RHBDF1: variants seen among roughly 807,000 people sequenced by gnomAD.
The protein encoded by RHBDF1 is inactive rhomboid protein 1.
Under a neutral mutation model 98.6 loss-of-function variants are expected in RHBDF1, and 80 were observed. The ratio of observed to expected loss-of-function variants is 0.81; its 90% CI spans 0.68 to 0.98. The LOEUF (loss-of-function observed/expected upper bound fraction) is 0.98. Among genes scored for constraint, RHBDF1 ranks in the 50% least tolerant of loss-of-function variants. The probability of loss-of-function intolerance (pLI) is 0.00; values close to 1 mark genes in which losing one functional copy is unlikely to be tolerated. For missense variants in RHBDF1, 1,116 were observed against 1,198.3 expected (o/e 0.93, Z 1.01); for synonymous variants, 512 against 486.8 (o/e 1.05, Z -0.68).
intron 11 of RHBDF1, 171 bp from the exon 12 acceptor site, chr16:60,710 C>G (rs1271254079): frequency 6.8e-6 from 4 of 591,090 alleles, no homozygotes; most frequent in Admixed American, 3.1e-5. Flanking sequence ...AGGAGTTTGA[C>G]GGCATAATTC....
At chr16:64,430 C>G (rs1048523141) in intron 3 of RHBDF1, 1 of 1,448,284 alleles carries the variant, frequency 6.9e-7, no homozygotes, top group Non-Finnish European at 9.2e-7. Context: ...CCGAAGCGTA[C>G]TTGTCGGCTG....
At chr16:63,920 G>A in intron 3 of RHBDF1, 120 bp from the exon 4 acceptor site, 6 of 873,352 alleles carry the variant, frequency 6.9e-6, no homozygotes, top group Non-Finnish European at 1.1e-5. Context: ...CAGGGACCAG[G>A]GTCTGAGTGG....
chr16:61,006 G>A, intron 11 of RHBDF1, 114 bp downstream of exon 11: 1 of 1,207,956 alleles, frequency 8.3e-7, no homozygotes, highest in Non-Finnish European at 1.1e-6. Flanking sequence ...TGCGCGTAAG[G>A]ACGGCGGGAT....
chr16:63,028 C>G lies in RHBDF1; in HGVS notation c.617G>C (p.Arg206Pro). The change falls in exon 5 of 18, where the codon CGC becomes CCC. Residue 206 changes from arginine to proline, a missense_variant. Arg to Pro is a moderately radical substitution (Grantham distance 103). Transcript: ENST00000262316. Reference sequence around the variant, plus strand: ...CATCTTGGCCACCGACTCTCGCTTGCGCCGCCGCGGGAGCCGGTGGAAACC... The same window carrying G: ...CATCTTGGCCACCGACTCTCGCTTGGGCCGCCGCGGGAGCCGGTGGAAACC... ...RSGFHRLPRRRKRESVAKMSF... is the reference protein window; with the variant it reads ...RSGFHRLPRRPKRESVAKMSF... The G allele has an allele frequency of 6.2e-7, 1 of 1,612,198 alleles. No individual in the cohort carries two copies. The highest frequency in any genetic ancestry group is 8.5e-7 in the Non-Finnish European group (1 of 1,179,616).
chr16:74,877 C>T (rs1462160482), upstream of RHBDF1: 1 of 151,690 alleles, frequency 6.6e-6, no homozygotes, highest in Non-Finnish European at 1.5e-5. Flanking sequence ...TTTTCCACTG[C>T]CCGCCCAAAC....
At position 59,418 on chromosome 16, in the gene RHBDF1, C is replaced by T. The variant is rs1297022837; in HGVS notation, c.1893+1G>A. The T allele has an allele frequency of 6.2e-7, 1 of 1,613,732 alleles. No individual in the cohort carries two copies. The highest frequency in any genetic ancestry group is 8.5e-7 in the Non-Finnish European group (1 of 1,179,892). On this transcript the variant is annotated splice_donor_variant, in intron 15 of 17. Transcript: ENST00000262316. LOFTEE classifies it high-confidence loss of function. Reference sequence around the variant, plus strand: ...GAACGACGGACACTCTGCAGACCTACCTGAGAGCAGAGCGTGGCCTCCTCA... The same window carrying T: ...GAACGACGGACACTCTGCAGACCTATCTGAGAGCAGAGCGTGGCCTCCTCA...
In RHBDF1 at chr16:62,115, G is replaced by C. The variant is rs1329972768; in HGVS notation, c.954-63C>G. 9 of 1,429,770 alleles carry C rather than the reference G, an allele frequency of 6.3e-6. No homozygotes were observed. In the East Asian group the frequency reaches 2.0e-4, roughly 32 times the overall value. The allele number at this position is 1,429,770 out of a possible 1,614,324, so 88.6% of individuals were successfully genotyped here. A position where few individuals can be genotyped will look rare whatever the true frequency, so the allele number is the denominator to read the frequency against. On this transcript the variant is annotated intron_variant, in intron 7 of 17. Coordinates refer to ENST00000262316, the MANE Select transcript of RHBDF1 (RefSeq NM_022450.5). ...GCAAACTGCTGCAGTCCCTCCCCGG[G>C]GGGCACCAGGGCACCCTGTCTCTAT... is the stretch of plus-strand genomic sequence containing the variant.
At chr16:69,490 G>A (rs1897916569) in intron 1 of RHBDF1, among the ~76,000 whole-genome samples, 1 of 151,998 alleles carries the variant, frequency 6.6e-6, no homozygotes, top group Non-Finnish European at 1.5e-5. Flanking sequence ...ATCCCAGGGG[G>A]ATGTGGCTCC....
intron 11 of RHBDF1, 167 bp from the exon 12 acceptor site, chr16:60,706 T>C (rs1382803964): frequency 5.0e-6 from 3 of 594,984 alleles, no homozygotes; most frequent in South Asian, 2.0e-5. Context: ...TACAAGGAGT[T>C]TGACGGCATA....
In RHBDF1 at chr16:64,958, G is replaced by T; in HGVS notation, c.58C>A (p.Leu20Ile). The change falls in exon 2 of 18, where the codon CTA (leucine) becomes ATA (isoleucine). Residue 20 changes from leucine (L) to isoleucine (I), a missense_variant. Transcript: ENST00000262316. ...SSLQRKKPPW[L>I]KLDIPSAVPL... ...ACCGCAGAGGGAATGTCCAGCTTTAGCCAGGGTGGCTTCTTGCGCTGCAGG... is the reference window on the plus strand; with the variant it reads ...ACCGCAGAGGGAATGTCCAGCTTTATCCAGGGTGGCTTCTTGCGCTGCAGG... 1 of 1,572,762 alleles carries T rather than the reference G, an allele frequency of 6.4e-7. No individual in the cohort carries two copies.
intron 1 of RHBDF1, among the ~76,000 whole-genome samples, chr16:70,025 T>C (rs910014525): frequency 1.0e-4 from 15 of 150,022 alleles, no homozygotes; most frequent in African/African-American, 3.4e-4. Context: ...GGGGGGGCAC[T>C]GCCCCAAGGC....
intron 1 of RHBDF1, among the ~76,000 whole-genome samples, chr16:66,252 C>T (rs990543661): frequency 1.3e-5 from 2 of 152,170 alleles, no homozygotes; most frequent in Non-Finnish European, 2.9e-5. Flanking sequence ...GCCGCTGGGT[C>T]GGCAACCCAC....
At chr16:72,829 G>C (rs987694447), upstream of RHBDF1, among the ~76,000 whole-genome samples, 4 of 152,180 alleles carry the variant, frequency 2.6e-5, no homozygotes, top group Non-Finnish European at 5.9e-5. Flanking sequence ...CGGCCCGACG[G>C]AGGACCTGGT....
At chr16:68,724 C>T (rs755563489) in intron 1 of RHBDF1, among the ~76,000 whole-genome samples, 55 of 152,180 alleles carry the variant, frequency 3.6e-4, no homozygotes, top group African/African-American at 3.4e-4. Flanking sequence ...GAGCCACTGG[C>T]GCCATGCATG....
intron 7 of RHBDF1, 141 bp downstream of exon 7, chr16:62,397 G>T: frequency 8.7e-7 from 1 of 1,145,222 alleles, no homozygotes; most frequent in African/African-American, 1.5e-5. Flanking sequence ...CCCACCCCTG[G>T]TGGCCCAGTG....
upstream of RHBDF1, among the ~76,000 whole-genome samples, chr16:75,976 T>G (rs1017179980): frequency 5.3e-5 from 8 of 152,128 alleles, no homozygotes; most frequent in African/African-American, 1.7e-4. Context: ...CAGCCACATC[T>G]CTCAAAGACT....
upstream of RHBDF1, among the ~76,000 whole-genome samples, chr16:75,343 C>G (rs2541635): frequency 0.68 from 102,968 of 152,104 alleles, 39,103 homozygotes; most frequent in Non-Finnish European, 0.86. Flanking sequence ...TTCCCAACAG[C>G]TACCCCAGAA....
In RHBDF1 at chr16:59,774, C is replaced by T; in HGVS notation, c.1775G>A (p.Cys592Tyr). Residue 592 changes from cysteine (C) to tyrosine (Y), a missense_variant, in exon 14 of 18, where the codon TGT (cysteine) becomes TAT (tyrosine). By Grantham distance (194) the Cys-to-Tyr change is radical. Transcript: ENST00000262316. ...GCAGCAGGGCCGTCCTGTGATGACA[C>T]AGTCCATGTGGGGATGGTTGGTGTG... ...GNHTNHPHMD[C>Y]VITGRPCCIG... 6.2e-7 allele frequency: 1 copy of T among 1,614,176 alleles called. No individual in the cohort carries two copies.
At chr16:64,474 GAGA>G (rs888161857) in intron 3 of RHBDF1, 17 of 1,515,244 alleles carry the variant, frequency 1.1e-5, no homozygotes, top group Middle Eastern at 1.7e-4. Context: ...GGTGGAGACA[GAGA>G]AGGAGAGAGT....
Sources: gnomAD v4.1 joint callset for allele counts (sites outside exome capture counted in the v4.1 genomes callset) on GRCh38, gnomAD v4.1.1 for gene constraint, MANE v1.5 for transcripts, NCBI Gene and HGNC (gene_info 2026-07-23, HGNC 2026-07-21) for gene names.